The following NBPF12 variants were observed in gnomAD, a reference collection of about 807,000 sequenced individuals.
The protein encoded by NBPF12 is NBPF family member NBPF12.
NBPF12 carries 115 observed loss-of-function variants against 146.4 expected under a neutral mutation model. The observed-to-expected ratio is 0.79, with a 90% CI of 0.68 to 0.92. The LOEUF (loss-of-function observed/expected upper bound fraction) is 0.92, where lower values mean the gene tolerates loss of function less well. Among genes scored for constraint, NBPF12 ranks in the 40% least tolerant of loss-of-function variants. The pLI, the probability that NBPF12 is intolerant of heterozygous loss-of-function variation, is 0.00. For synonymous variants in NBPF12, 385 were observed against 508.9 expected, an observed-to-expected ratio of 0.76 and a Z score of 3.28; for missense variants, 1,205 against 1,326.8, an observed-to-expected ratio of 0.91 and a Z score of 1.43.
In NBPF12 at chr1:146,973,742, T is replaced by A. The variant is rs1237265598; in HGVS notation, c.1801+782T>A. Among the ~76,000 whole-genome samples, 3 of 146,832 alleles carry A rather than the reference T, an allele frequency of 2.0e-5. No homozygotes were observed. In the East Asian group the frequency reaches 5.9e-4, roughly 29 times the overall value. Reference sequence around the variant, plus strand: ...GGCTGAGGTTGCAGTGAGCCAAGATTTTGCCGTTGCACTCCAGCCTGGGTG... The same window carrying A: ...GGCTGAGGTTGCAGTGAGCCAAGATATTGCCGTTGCACTCCAGCCTGGGTG... On this transcript the variant is annotated intron_variant, in intron 14 of 33. Transcript: ENST00000617844.
rs1192931344 is a variant in NBPF12 at position 146,963,111 on chromosome 1, G to T, written c.295G>T (p.Val99Phe). The T allele has an allele frequency of 8.3e-4, 1,341 of 1,608,356 alleles. 21 individuals are homozygous for T. The African/African-American group carries it at 0.015, about 18-fold the overall frequency. The change falls in exon 6 of 34, where the codon GTT becomes TTT. Residue 99 changes from valine to phenylalanine, a missense_variant. Physicochemically the swap from Val to Phe is conservative, Grantham distance 50 (BLOSUM62 -1). Transcript: ENST00000617844. ...TCACCTTAGGCAATATAAAGTCCTG[G>T]TTCACTCTCAGGAACGAGAGCTGAC...
intron 31 of NBPF12, among the ~76,000 whole-genome samples, chr1:146,992,462 C>CTCTCTCTCTCTCTCTGTGTG (rs1450490306): frequency 1.5e-5 from 1 of 66,254 alleles, no homozygotes; most frequent in African/African-American, 7.2e-5. Context: ...CTCTCTCTCT[C>CTCTCTCTCTCTCTCTGTGTG]TGTGTGTGTG....
exon 34 of NBPF12, chr1:146,994,613 G>C: frequency 4.4e-6 from 7 of 1,589,124 alleles, no homozygotes; most frequent in Non-Finnish European, 6.0e-6. Flanking sequence ...ATTCCTGCAG[G>C]CAGGACCTAT....
upstream of NBPF12, among the ~76,000 whole-genome samples, chr1:146,938,574 A>G (rs1194399606): frequency 2.0e-5 from 3 of 150,906 alleles, no homozygotes; most frequent in Admixed American, 1.3e-4. Context: ...CGCGGCCCGA[A>G]CCCGTTGTGC....
chr1:146,962,621 G>A (rs1162047738), intron 5 of NBPF12, among the ~76,000 whole-genome samples: 2 of 151,280 alleles, frequency 1.3e-5, no homozygotes, highest in Non-Finnish European at 2.9e-5. Context: ...GACTGACTGC[G>A]TCTTCTCATT....
chr1:146,961,287 A>C (rs1431952879), intron 4 of NBPF12, among the ~76,000 whole-genome samples: 1 of 151,708 alleles, frequency 6.6e-6, no homozygotes, highest in Non-Finnish European at 1.5e-5. Flanking sequence ...AATGTGTGGA[A>C]GCAGCAGTGC....
chr1:146,984,943 G>T (rs1251813579), exon 22 of NBPF12: 1 of 1,555,272 alleles, frequency 6.4e-7, no homozygotes, highest in South Asian at 1.1e-5. Flanking sequence ...TGCCTTTTAC[G>T]TATTGGAGCA....
upstream of NBPF12, among the ~76,000 whole-genome samples, chr1:146,938,525 C>G (rs1440034157): frequency 1.8e-4 from 27 of 152,246 alleles, 1 homozygote; most frequent in African/African-American, 6.3e-4. Flanking sequence ...TTTTCCCGTC[C>G]CCGCTGCGCT....
rs1165335920 is a variant in NBPF12 at position 146,944,253 on chromosome 1, TGGGCTA to T, written c.-550+693_-550+698del. Among the ~76,000 whole-genome samples the T allele has an allele frequency of 6.7e-4, 88 of 131,532 alleles. 2 individuals are homozygous for T. The Middle Eastern group carries it at 0.015, about 22-fold the overall frequency. 86.3% of individuals were successfully genotyped at this position (131,532 alleles called of 152,430 possible). On this transcript the variant is annotated intron_variant, in intron 2 of 35. Coordinates refer to the NBPF12 transcript ENST00000617931. ...GACTATTAGGTACCATGCCCTGCTC[TGGGCTA>T]GAGGCCCCATAATGAGTAAATCTCA... is the stretch of plus-strand genomic sequence containing the variant.
chr1:146,972,917 A>G, exon 14 of NBPF12: 1 of 1,008,924 alleles, frequency 9.9e-7, no homozygotes, highest in Non-Finnish European at 1.6e-6. Context: ...AATGTTTTGT[A>G]ACTCAAGTGG....
rs1193870313 is a variant in NBPF12 at position 146,971,281 on chromosome 1, A to G, written c.1478A>G (p.Gln493Arg). The change falls in exon 13 of 34, where the codon CAG becomes CGG. Residue 493 changes from glutamine to arginine, a missense_variant. Coordinates refer to ENST00000617844, the Ensembl canonical transcript of NBPF12. ...AGCCACGGCCCTTGTGACTCCAACC[A>G]GCCTCACAAGAACATCAAAATCACA... 6.7e-5 allele frequency: 108 copies of G among 1,612,250 alleles called. 2 individuals carry two copies. The highest frequency in any genetic ancestry group is 5.8e-5 in the Non-Finnish European group (68 of 1,179,788).
At chr1:146,972,619 A>C in intron 13 of NBPF12, 132 bp from the exon 17 acceptor site, 2 of 863,210 alleles carry the variant, frequency 2.3e-6, no homozygotes, top group South Asian at 2.7e-5. Flanking sequence ...TGGAGATGAC[A>C]AGGGTGAAAC....
chr1:146,996,021 C>G (rs1470815673), exon 34 of NBPF12: 1 of 147,512 alleles, frequency 6.8e-6, no homozygotes, highest in Non-Finnish European at 1.5e-5. Context: ...AAGAAGAAAA[C>G]ATTCTCTGCC....
chr1:146,961,953 A>G (rs1489914717), intron 4 of NBPF12, among the ~76,000 whole-genome samples: 11,548 of 152,070 alleles, frequency 0.076, 633 homozygotes, highest in East Asian at 0.22. Flanking sequence ...TGTGCTCTTG[A>G]GTTTCTCTTT....
chr1:146,984,242 T>G, intron 21 of NBPF12, 57 bp downstream of exon 24: 3 of 787,254 alleles, frequency 3.8e-6, no homozygotes. Context: ...AGATGCCAAG[T>G]CCAGGGAAAA....
intron 13 of NBPF12, 107 bp from the exon 17 acceptor site, chr1:146,972,644 C>T: frequency 9.9e-7 from 1 of 1,011,902 alleles, no homozygotes; most frequent in Non-Finnish European, 1.6e-6. Flanking sequence ...GAAACAACAT[C>T]TTCAAATAAG....
chr1:146,992,569 A>G (rs1302382274), intron 31 of NBPF12, 143 bp from the exon 35 acceptor site: 2 of 627,920 alleles, frequency 3.2e-6, no homozygotes, highest in Admixed American at 2.7e-5. Flanking sequence ...TCCCAACATG[A>G]AGGCAATAAT....
At chr1:146,994,730 A>G (rs587659147) in exon 34 of NBPF12, 4 of 1,304,776 alleles carry the variant, frequency 3.1e-6, no homozygotes, top group African/African-American at 1.5e-5. Context: ...GCCAGTGGCA[A>G]CCTGTGCTCA....
At chr1:146,984,309 C>A in intron 21 of NBPF12, 124 bp downstream of exon 24, 2 of 770,194 alleles carry the variant, frequency 2.6e-6, no homozygotes, top group South Asian at 1.4e-5. Flanking sequence ...ATTATGCCTA[C>A]TGCATTGTTT....
Sources: gnomAD v4.1 joint callset for allele counts (sites outside exome capture counted in the v4.1 genomes callset) on GRCh38, gnomAD v4.1.1 for gene constraint, MANE v1.5 for transcripts, NCBI Gene and HGNC (gene_info 2026-07-23, HGNC 2026-07-21) for gene names.